The following CCND3 variants were observed in gnomAD, a reference collection of about 807,000 sequenced individuals.
CCND3 encodes the protein G1/S-specific cyclin-D3.
CCND3 carries 9 observed loss-of-function variants against 28.7 expected under a neutral mutation model. The observed-to-expected ratio is 0.31, with a 90% confidence interval of 0.19 to 0.55. The LOEUF (loss-of-function observed/expected upper bound fraction) is 0.55. Ranked by LOEUF, CCND3 falls within the 20% of genes least tolerant of loss-of-function variation. CCND3 has a pLI of 0.93. For synonymous variants in CCND3, 164 were observed against 163.9 expected (o/e 1.00, Z 0.00); for missense variants, 315 against 385.8 (o/e 0.82, Z 1.54).
At chr6:41,964,293 T>A (rs932707734) in intron 1 of CCND3, among the ~76,000 whole-genome samples, 36 of 150,802 alleles carry the variant, frequency 2.4e-4, no homozygotes, top group African/African-American at 7.5e-4. Context: ...TGTGTGTGTG[T>A]GAGTATGTGT....
chr6:42,027,757 TG>T (rs370799007), intron 1 of CCND3, among the ~76,000 whole-genome samples: 2 of 151,868 alleles, frequency 1.3e-5, no homozygotes, highest in African/African-American at 2.4e-5. Flanking sequence ...TTTGTTTGTT[TG>T]TTTTTGAGAC....
upstream of CCND3, among the ~76,000 whole-genome samples, chr6:41,944,383 ATT>A (rs201736804): frequency 1.4e-5 from 2 of 142,898 alleles, no homozygotes; most frequent in African/African-American, 5.1e-5. Context: ...TTCACGGTGG[ATT>A]TTTTTTTTTT....
chr6:41,998,212 T>C (rs1039862201), intron 1 of CCND3, among the ~76,000 whole-genome samples: 9 of 148,754 alleles, frequency 6.1e-5, no homozygotes, highest in Admixed American at 2.7e-4. Flanking sequence ...CACTTGAACC[T>C]GGGAGGCGGA....
intron 1 of CCND3, among the ~76,000 whole-genome samples, chr6:41,983,147 G>A (rs1582131123): frequency 6.6e-6 from 1 of 152,122 alleles, no homozygotes; most frequent in Non-Finnish European, 1.5e-5. Context: ...GGAGGCCAAG[G>A]CAGGCTGATC....
At chr6:41,940,868 G>C in intron 1 of CCND3, 1 of 1,307,958 alleles carries the variant, frequency 7.6e-7, no homozygotes, top group Non-Finnish European at 1.1e-6. Flanking sequence ...CTCCCCCACA[G>C]CGAGGGGAAG....
rs113639898 is a variant in CCND3, at chr6:41,998,991, T to C, written c.-46+49510A>G. Among the ~76,000 whole-genome samples the C allele has an allele frequency of 3.7e-3, 568 of 151,876 alleles. 4 individuals are homozygous for C. Among genetic ancestry groups the C allele is most frequent in the African/African-American group, 0.013 (539 of 41,414 alleles). On this transcript the variant is annotated intron_variant, in intron 1 of 4. Coordinates refer to the CCND3 transcript ENST00000372988. ...ACCCCGCCTGGCTGGTCTATGCTTT[T>C]TATTATATTAACTTCCTTAATCTAA... is the stretch of plus-strand genomic sequence containing the variant.
chr6:41,935,385 C>A lies in CCND3; in HGVS notation c.*555G>T. 1 of 240,160 alleles carries A rather than the reference C, an allele frequency of 4.2e-6. No homozygotes were observed. Among genetic ancestry groups the A allele is most frequent in the Non-Finnish European group, 8.1e-6 (1 of 122,834 alleles). 14.9% of individuals were successfully genotyped at this position (240,160 alleles called of 1,614,324 possible). A position where few individuals can be genotyped will look rare whatever the true frequency, so the allele number is the denominator to read the frequency against. On this transcript the variant is annotated 3_prime_UTR_variant, in exon 5 of 5. Coordinates refer to ENST00000372991, the MANE Select transcript of CCND3 (RefSeq NM_001760.5). ...AAGCAAAGCAAAGAGGAATTTATAG[C>A]TTCTCTGGCTGAGGCCTAGGCCCCT... is the stretch of plus-strand genomic sequence containing the variant.
At chr6:42,031,553 T>C (rs1310237841) in intron 1 of CCND3, among the ~76,000 whole-genome samples, 2 of 152,174 alleles carry the variant, frequency 1.3e-5, no homozygotes, top group Non-Finnish European at 2.9e-5. Flanking sequence ...CAAATACTTA[T>C]GGAAACACAA....
At position 42,047,297 on chromosome 6, in the gene CCND3, A is replaced by T. The variant is rs898183690; in HGVS notation, c.-46+1204T>A. Among the ~76,000 whole-genome samples, 24 of 152,344 alleles carry T rather than the reference A, an allele frequency of 1.6e-4. 1 individual carries two copies. The highest frequency in any genetic ancestry group is 4.3e-4 in the African/African-American group (18 of 41,580). On this transcript the variant is annotated intron_variant, in intron 1 of 4. Transcript: ENST00000372988. ...CATGACATCCCCAACAGCTGTGGGA[A>T]TAGCCTGTGCAGATGGAGTATGGCC...
chr6:41,948,312 T>C (rs1302841355), intron 1 of CCND3, among the ~76,000 whole-genome samples: 6 of 151,222 alleles, frequency 4.0e-5, no homozygotes, highest in African/African-American at 1.5e-4. Context: ...CAGTTCATAG[T>C]AGATGTTCAG....
chr6:42,043,421 C>T (rs761895657), intron 1 of CCND3, among the ~76,000 whole-genome samples: 1 of 152,182 alleles, frequency 6.6e-6, no homozygotes, highest in African/African-American at 2.4e-5. Context: ...ATCCTAGCTA[C>T]TTGGGAGGCT....
rs774533210 is a variant in CCND3 at position 41,941,022 on chromosome 6, C to A, written c.198+430G>T. ...CATTTCCCTGTCGGCCGGAACAGGG[C>A]GCGCGCCACCCCCATCGCCTTCCCC... On this transcript the variant is annotated intron_variant, in intron 1 of 4. Transcript: ENST00000372991. The surrounding 1 kb of genome is among the most constrained non-coding windows in gnomAD (Gnocchi z 6.1). 1.9e-6 allele frequency: 3 copies of A among 1,609,692 alleles called. No homozygotes were observed. The highest frequency in any genetic ancestry group is 2.2e-5 in the South Asian group (2 of 90,920).
chr6:42,035,772 G>A (rs1475967677), intron 1 of CCND3, among the ~76,000 whole-genome samples: 2 of 150,684 alleles, frequency 1.3e-5, no homozygotes, highest in African/African-American at 2.4e-5. Context: ...CCACCTCCAG[G>A]GTTCAAGCAA....
At chr6:42,006,864 C>T (rs1763190853) in intron 1 of CCND3, among the ~76,000 whole-genome samples, 1 of 151,352 alleles carries the variant, frequency 6.6e-6, no homozygotes, top group South Asian at 2.1e-4. Context: ...GCCGAGATCG[C>T]TCCACTGCAC....
intron 1 of CCND3, among the ~76,000 whole-genome samples, chr6:41,964,004 G>C (rs1257842237): frequency 6.6e-6 from 1 of 152,188 alleles, no homozygotes; most frequent in Non-Finnish European, 1.5e-5. Flanking sequence ...CCAGTGCCTG[G>C]ACCAGGGCCT....
chr6:41,965,058 CTTTTTTTTTTTTT>C (rs56138276), intron 1 of CCND3, among the ~76,000 whole-genome samples: 19 of 82,110 alleles, frequency 2.3e-4, no homozygotes, highest in East Asian at 1.5e-3. Flanking sequence ...TTTCACGTTG[CTTTTTTTTTTTTT>C]TTTTTTTTTT....
chr6:41,952,596 TAGTC>T (rs1182540400), intron 1 of CCND3, among the ~76,000 whole-genome samples: 1 of 152,168 alleles, frequency 6.6e-6, no homozygotes, highest in Admixed American at 6.5e-5. Context: ...TGGACTCTGA[TAGTC>T]AGAAGAAGCC....
At chr6:42,019,967 AT>A (rs1561990284) in intron 1 of CCND3, among the ~76,000 whole-genome samples, 2 of 152,176 alleles carry the variant, frequency 1.3e-5, no homozygotes, top group African/African-American at 2.4e-5. Context: ...ATTCCTAAAA[AT>A]AATCATCTTA....
At position 41,940,570 on chromosome 6, in the gene CCND3, G is replaced by A. The variant is rs1775967404; in HGVS notation, c.214C>T (p.Arg72Cys). The stretch of plus-strand genomic sequence containing the variant: ...AGGGGGAAGACTTCCTCCTCACAGC[G>A]CTGCTCCTCACATACCTGGGGGAGG... ...YWMLEVCEEQRCEEEVFPLAM... is the reference protein window; with the variant it reads ...YWMLEVCEEQCCEEEVFPLAM... The change falls in exon 2 of 5, where the codon CGC becomes TGC. Residue 72 changes from arginine (R) to cysteine (C), a missense_variant. Arg to Cys is a radical substitution (Grantham distance 180). Coordinates refer to ENST00000372991, the MANE Select transcript of CCND3 (RefSeq NM_001760.5). 1.9e-6 allele frequency: 3 copies of A among 1,613,092 alleles called. No homozygotes were observed. In the East Asian group the frequency reaches 6.7e-5, roughly 36 times the overall value.
Sources: gnomAD v4.1 joint callset for allele counts (sites outside exome capture counted in the v4.1 genomes callset) on GRCh38, gnomAD v4.1.1 for gene constraint, Gnocchi (gnomAD v3.1) non-coding constraint, MANE v1.5 for transcripts, NCBI Gene and HGNC (gene_info 2026-07-23, HGNC 2026-07-21) for gene names.